ARSG: variants seen among roughly 807,000 people sequenced by gnomAD.
ARSG encodes ASG.
Under a neutral mutation model 50.5 loss-of-function variants are expected in ARSG, and 37 were observed. The ratio of observed to expected loss-of-function variants is 0.73; its 90% CI spans 0.56 to 0.96. The LOEUF is 0.96. Among genes scored for constraint, ARSG ranks in the 50% least tolerant of loss-of-function variants. ARSG has a pLI of 0.00. For synonymous variants in ARSG, 225 were observed against 254.6 expected, an observed-to-expected ratio of 0.88 and a Z score of 1.11; for missense variants, 629 against 675.3, an observed-to-expected ratio of 0.93 and a Z score of 0.76.
At chr17:68,362,586 A>G (rs551121488) in intron 6 of ARSG, among the ~76,000 whole-genome samples, 9 of 152,096 alleles carry the variant, frequency 5.9e-5, no homozygotes, top group Non-Finnish European at 1.3e-4. Context: ...CGGGCTGAGT[A>G]TTCCGTATCT....
intron 6 of ARSG, among the ~76,000 whole-genome samples, chr17:68,365,837 G>A (rs2079520079): frequency 1.3e-5 from 2 of 152,190 alleles, no homozygotes; most frequent in African/African-American, 4.8e-5. Flanking sequence ...AGATACAATA[G>A]ATGTAAATAA....
chr17:68,352,747 T>C (rs1345205030), intron 5 of ARSG, among the ~76,000 whole-genome samples: 1 of 152,124 alleles, frequency 6.6e-6, no homozygotes, highest in Non-Finnish European at 1.5e-5. Flanking sequence ...TGACCTCAGG[T>C]GATCTGCCCA....
At chr17:68,418,090 G>T (rs981403657) in intron 11 of ARSG, among the ~76,000 whole-genome samples, 1 of 151,998 alleles carries the variant, frequency 6.6e-6, no homozygotes, top group Admixed American at 6.6e-5. Context: ...GATGACTGCC[G>T]ACCTCCTTAT....
At chr17:68,387,365 G>A (rs1451438370) in intron 9 of ARSG, among the ~76,000 whole-genome samples, 1 of 152,118 alleles carries the variant, frequency 6.6e-6, no homozygotes, top group Non-Finnish European at 1.5e-5. Flanking sequence ...CTGGTCCCAA[G>A]CACTCTTCCC....
intron 1 of ARSG, among the ~76,000 whole-genome samples, chr17:68,277,539 C>T (rs1210660829): frequency 2.0e-5 from 3 of 152,194 alleles, no homozygotes; most frequent in Non-Finnish European, 2.9e-5. Context: ...AAGCAATTCT[C>T]GTGCCTCAGC....
At chr17:68,370,117 C>T (rs1024765778) in intron 7 of ARSG, among the ~76,000 whole-genome samples, 4 of 152,074 alleles carry the variant, frequency 2.6e-5, no homozygotes, top group East Asian at 1.9e-4. Context: ...TGGGTTCAAG[C>T]GTTTTTTGCA....
At chr17:68,273,035 A>G (rs1442862782) in intron 1 of ARSG, among the ~76,000 whole-genome samples, 1 of 151,892 alleles carries the variant, frequency 6.6e-6, no homozygotes, top group Non-Finnish European at 1.5e-5. Context: ...TATATAATTC[A>G]CAATGGATGA....
chr17:68,432,624 C>T, the ARSG span, among the ~76,000 whole-genome samples: 4 of 151,998 alleles, frequency 2.6e-5, no homozygotes, highest in Non-Finnish European at 5.9e-5. Context: ...GCCTCTGTTA[C>T]GTATGTGTTA....
the ARSG span, among the ~76,000 whole-genome samples, chr17:68,445,453 C>A: frequency 5.3e-5 from 8 of 152,224 alleles, no homozygotes; most frequent in Non-Finnish European, 1.0e-4. Flanking sequence ...TCCTCCAGGC[C>A]TGCTTTTGGG....
At chr17:68,365,269 G>A (rs1259564706) in intron 6 of ARSG, among the ~76,000 whole-genome samples, 17 of 152,190 alleles carry the variant, frequency 1.1e-4, no homozygotes, top group African/African-American at 2.4e-5. Flanking sequence ...CCAAGATCGC[G>A]CCACTGCACT....
At chr17:68,353,192 C>T (rs2078880991) in intron 5 of ARSG, among the ~76,000 whole-genome samples, 2 of 151,626 alleles carry the variant, frequency 1.3e-5, no homozygotes, top group South Asian at 4.2e-4. Flanking sequence ...AGTAAAACCA[C>T]AATTACTTTT....
intron 1 of ARSG, among the ~76,000 whole-genome samples, chr17:68,275,639 CATTT>C (rs1297594365): frequency 1.3e-4 from 20 of 152,182 alleles, no homozygotes; most frequent in African/African-American, 4.6e-4. Flanking sequence ...AGTCCTAATT[CATTT>C]GTTATCTTTC....
At chr17:68,354,182 A>T (rs1203159362) in intron 5 of ARSG, among the ~76,000 whole-genome samples, 1 of 151,830 alleles carries the variant, frequency 6.6e-6, no homozygotes, top group Admixed American at 6.6e-5. Flanking sequence ...GCACTTTGGG[A>T]GGCTGAGGTG....
At chr17:68,264,306 C>T (rs1397692254) in intron 1 of ARSG, among the ~76,000 whole-genome samples, 1 of 152,132 alleles carries the variant, frequency 6.6e-6, no homozygotes, top group East Asian at 1.9e-4. Context: ...AGATATTAAG[C>T]AAAGGGAAAG....
chr17:68,291,953 G>A (rs1374496439), intron 1 of ARSG, among the ~76,000 whole-genome samples: 1 of 152,086 alleles, frequency 6.6e-6, no homozygotes, highest in East Asian at 2.0e-4. Context: ...GGCAGAACAG[G>A]TTCCTTCCAG....
At chr17:68,374,850 GAAAAAA>G (rs11406219) in intron 8 of ARSG, among the ~76,000 whole-genome samples, 1 of 121,436 alleles carries the variant, frequency 8.2e-6, no homozygotes, top group Non-Finnish European at 1.8e-5. Context: ...GTGAGACTCA[GAAAAAA>G]AAAAAAAAGA....
intron 1 of ARSG, among the ~76,000 whole-genome samples, chr17:68,270,086 T>C (rs1315913345): frequency 6.6e-6 from 1 of 152,216 alleles, no homozygotes; most frequent in Non-Finnish European, 1.5e-5. Context: ...GGAAATATTC[T>C]GTACAAATCA....
chr17:68,406,496 T>A (rs8079550), intron 11 of ARSG, among the ~76,000 whole-genome samples: 2 of 152,186 alleles, frequency 1.3e-5, no homozygotes, highest in Admixed American at 6.5e-5. Context: ...TACATTCCCA[T>A]CAGCAGTGTA....
At chr17:68,429,852 G>A in the ARSG span, 1 of 1,186,530 alleles carries the variant, frequency 8.4e-7, no homozygotes, top group Non-Finnish European at 1.2e-6. Context: ...GCCTCCCAAG[G>A]TTCCGGGATT....
Sources: allele counts gnomAD v4.1 joint callset (sites outside exome capture counted in the v4.1 genomes callset), GRCh38; gene constraint gnomAD v4.1.1; transcripts MANE v1.5; gene names NCBI Gene and HGNC (gene_info 2026-07-23, HGNC 2026-07-21).